The following DMD variants were observed in gnomAD, a reference collection of about 807,000 sequenced individuals.
The protein encoded by DMD is dystrophin, also known as mutant dystrophin.
DMD carries 63 observed loss-of-function variants against 330.1 expected under a neutral mutation model. The observed-to-expected ratio is 0.19, with a 90% CI of 0.16 to 0.24. The LOEUF (loss-of-function observed/expected upper bound fraction) is 0.24, where lower values mean the gene tolerates loss of function less well. Among genes scored for constraint, DMD ranks in the 10% least tolerant of loss-of-function variants. The pLI is 1.00. For missense variants in DMD, 3,344 were observed against 2,684.1 expected (o/e 1.25, Z -5.43); for synonymous variants, 1,223 against 959.8 (o/e 1.27, Z -5.07).
At chrX:32,733,610 C>A (rs1253372214) in intron 7 of DMD, among the ~76,000 whole-genome samples, 1 of 111,544 alleles carries the variant, frequency 9.0e-6, no homozygotes, top group Non-Finnish European at 1.9e-5. Context: ...TTAAGAATCT[C>A]ACTCAAAACC....
intron 9 of DMD, among the ~76,000 whole-genome samples, chrX:32,663,594 T>C (rs1480110547): frequency 9.0e-6 from 1 of 111,619 alleles, no homozygotes; most frequent in Non-Finnish European, 1.9e-5. Context: ...CTTTAACAAA[T>C]ATTTATTAAG....
intron 1 of DMD, among the ~76,000 whole-genome samples, chrX:33,190,966 TAA>T (rs1569558012): frequency 0.011 from 15 of 1,314 alleles, 1 homozygote; most frequent in East Asian, 0.071. Context: ...TATATATATA[TAA>T]TATATAATAT....
intron 62 of DMD, among the ~76,000 whole-genome samples, chrX:31,293,798 G>A (rs1403538488): frequency 1.8e-5 from 2 of 111,891 alleles, no homozygotes; most frequent in African/African-American, 6.5e-5. Flanking sequence ...TCAGTTAATC[G>A]ACTAAGTAAA....
In DMD at chrX:32,528,292, G is replaced by T. The variant is rs1192060440; in HGVS notation, c.2169-10161C>A. ...CCACTACATTCCAGCCTGGGCAACA[G>T]AACGAGACTCAGTCTCAAAAAAGAA... On this transcript the variant is annotated intron_variant, in intron 17 of 78. Coordinates refer to ENST00000357033, the MANE Select transcript of DMD (RefSeq NM_004006.3). Among the ~76,000 whole-genome samples the T allele has an allele frequency of 7.3e-5, 8 of 110,147 alleles. No homozygotes were observed. The Admixed American group carries it at 7.8e-4, about 11-fold the overall frequency.
intron 5 of DMD, among the ~76,000 whole-genome samples, chrX:32,819,005 G>GTT (rs55923814): frequency 0.44 from 30,430 of 69,734 alleles, 6,128 homozygotes; most frequent in Non-Finnish European, 0.48. Flanking sequence ...TTCTACAGGT[G>GTT]TTTTTTTTTT....
At chrX:31,605,187 T>A (rs1304804231) in intron 55 of DMD, among the ~76,000 whole-genome samples, 1 of 111,851 alleles carries the variant, frequency 8.9e-6, no homozygotes, top group African/African-American at 3.2e-5. Flanking sequence ...CAAACTTTGA[T>A]TCCTTCTCTG....
At chrX:32,730,101 G>T (rs1183174231) in intron 7 of DMD, among the ~76,000 whole-genome samples, 2 of 112,125 alleles carry the variant, frequency 1.8e-5, no homozygotes, top group Non-Finnish European at 3.8e-5. Context: ...CGGAGGCTGA[G>T]GCAGGAGGAT....
chrX:32,833,668 C>T (rs1482642697), intron 4 of DMD, among the ~76,000 whole-genome samples: 5 of 93,447 alleles, frequency 5.4e-5, no homozygotes, highest in African/African-American at 1.2e-4. Flanking sequence ...TTTTTAAGCT[C>T]AAGTCACGTA....
intron 55 of DMD, among the ~76,000 whole-genome samples, chrX:31,531,000 T>C (rs1394156573): frequency 1.0e-5 from 1 of 96,136 alleles, no homozygotes; most frequent in Non-Finnish European, 2.0e-5. Context: ...ACAACGGACA[T>C]GAACTCATCA....
intron 34 of DMD, among the ~76,000 whole-genome samples, chrX:32,366,000 AATAAAG>A (rs1199824968): frequency 8.9e-6 from 1 of 112,112 alleles, no homozygotes; most frequent in Non-Finnish European, 1.9e-5. Context: ...ATTGAATACA[AATAAAG>A]ATAAAGTTTT....
intron 44 of DMD, among the ~76,000 whole-genome samples, chrX:32,034,601 T>C (rs1337215583): frequency 8.9e-6 from 1 of 111,801 alleles, no homozygotes; most frequent in Non-Finnish European, 1.9e-5. Flanking sequence ...AAAATAATTA[T>C]GGCTCTAAAA....
At chrX:31,555,169 G>A (rs1428636263) in intron 55 of DMD, among the ~76,000 whole-genome samples, 1 of 111,928 alleles carries the variant, frequency 8.9e-6, no homozygotes, top group Non-Finnish European at 1.9e-5. Flanking sequence ...CTAGGGGAGG[G>A]CAGTGGCGCT....
intron 1 of DMD, among the ~76,000 whole-genome samples, chrX:33,095,624 T>A (rs1162317090): frequency 1.8e-5 from 2 of 111,991 alleles, no homozygotes; most frequent in Non-Finnish European, 3.8e-5. Context: ...AACTCATGTA[T>A]CAGTAGCTTT....
At chrX:33,008,952 G>A (rs1161518356) in intron 2 of DMD, among the ~76,000 whole-genome samples, 3 of 92,572 alleles carry the variant, frequency 3.2e-5, no homozygotes, top group African/African-American at 7.9e-5. Flanking sequence ...GTATATATAC[G>A]TATATATACA....
intron 11 of DMD, among the ~76,000 whole-genome samples, chrX:32,620,108 G>A (rs2057881179): frequency 8.9e-6 from 1 of 111,943 alleles, no homozygotes; most frequent in South Asian, 3.7e-4. Context: ...GAGCAAGAAG[G>A]AGAAAAGTGA....
chrX:33,320,051 C>G (rs1361220539), intron 1 of DMD, among the ~76,000 whole-genome samples: 1 of 111,457 alleles, frequency 9.0e-6, no homozygotes, highest in Admixed American at 9.6e-5. Flanking sequence ...TCAGAAGTCT[C>G]TTTAGCAACT....
intron 26 of DMD, among the ~76,000 whole-genome samples, chrX:32,449,875 T>A (rs1311580501): frequency 9.0e-6 from 1 of 110,711 alleles, no homozygotes; most frequent in African/African-American, 3.3e-5. Flanking sequence ...GGTAGCTGAA[T>A]GGGGAATTGA....
At chrX:31,956,407 T>C (rs1345930625) in intron 45 of DMD, among the ~76,000 whole-genome samples, 1 of 111,666 alleles carries the variant, frequency 9.0e-6, no homozygotes, top group Non-Finnish European at 1.9e-5. Flanking sequence ...GGAAACCGTA[T>C]AGAATGAGAA....
intron 1 of DMD, among the ~76,000 whole-genome samples, chrX:33,089,527 C>CA (rs982297321): frequency 5.1e-4 from 54 of 105,061 alleles, no homozygotes; most frequent in East Asian, 5.1e-3. Flanking sequence ...GACACCATCT[C>CA]AAAAAAAAAC....
Sources: gnomAD v4.1 joint callset for allele counts (sites outside exome capture counted in the v4.1 genomes callset) on GRCh38, gnomAD v4.1.1 for gene constraint, MANE v1.5 for transcripts, NCBI Gene and HGNC (gene_info 2026-07-23, HGNC 2026-07-21) for gene names.